The following GRID1 variants were observed in gnomAD, a reference collection of about 807,000 sequenced individuals.
The protein encoded by GRID1 is glutamate ionotropic receptor delta type subunit 1, also known as glutamate receptor ionotropic, delta-1.
GRID1 carries 28 observed loss-of-function variants against 98.0 expected under a neutral mutation model. The ratio of observed to expected loss-of-function variants is 0.29; its 90% CI spans 0.21 to 0.39. GRID1 has a LOEUF of 0.39. Ranked by LOEUF, GRID1 falls within the 10% of genes least tolerant of loss-of-function variation. The pLI is 1.00. For synonymous variants in GRID1, 553 were observed against 538.5 expected, an observed-to-expected ratio of 1.03 and a Z score of -0.37; for missense variants, 1,111 against 1,340.5, an observed-to-expected ratio of 0.83 and a Z score of 2.67.
At chr10:85,696,611 C>G (rs1330358953) in intron 12 of GRID1, among the ~76,000 whole-genome samples, 1 of 151,902 alleles carries the variant, frequency 6.6e-6, no homozygotes, top group African/African-American at 2.4e-5. Context: ...TTAAAATTAC[C>G]AAATAACCAA....
intron 5 of GRID1, among the ~76,000 whole-genome samples, chr10:85,877,016 G>C (rs1843340135): frequency 6.6e-6 from 1 of 152,240 alleles, no homozygotes; most frequent in Non-Finnish European, 1.5e-5. Flanking sequence ...TAGCACAGCA[G>C]TCTGAGATCA....
chr10:85,859,173 T>C (rs543990787), intron 6 of GRID1, among the ~76,000 whole-genome samples: 1 of 152,348 alleles, frequency 6.6e-6, no homozygotes, highest in East Asian at 1.9e-4. Flanking sequence ...TCAGCAAACT[T>C]TGAGCTCTTT....
At chr10:85,848,913 A>T (rs1843032392) in intron 8 of GRID1, among the ~76,000 whole-genome samples, 1 of 152,196 alleles carries the variant, frequency 6.6e-6, no homozygotes, top group Non-Finnish European at 1.5e-5. Context: ...ATCCATGAAG[A>T]GACTCAAGTT....
intron 12 of GRID1, among the ~76,000 whole-genome samples, chr10:85,698,486 G>GAT (rs1294070979): frequency 5.9e-5 from 9 of 152,254 alleles, no homozygotes; most frequent in African/African-American, 2.2e-4. Context: ...TTTTCAACCT[G>GAT]ATAGCTCATT....
At chr10:85,619,258 TC>T (rs1442967412) in intron 14 of GRID1, among the ~76,000 whole-genome samples, 24 of 151,984 alleles carry the variant, frequency 1.6e-4, no homozygotes, top group African/African-American at 5.8e-4. Context: ...CCACATCCCT[TC>T]CCTGCCCCAG....
intron 3 of GRID1, among the ~76,000 whole-genome samples, chr10:86,161,307 C>T (rs1234300823): frequency 6.6e-6 from 1 of 152,028 alleles, no homozygotes; most frequent in African/African-American, 2.4e-5. Flanking sequence ...GTTTCTGAAG[C>T]CTGCATAGGG....
At chr10:86,344,995 AT>A (rs999416512) in intron 2 of GRID1, among the ~76,000 whole-genome samples, 1 of 152,098 alleles carries the variant, frequency 6.6e-6, no homozygotes, top group African/African-American at 2.4e-5. Flanking sequence ...ATCCAGATGC[AT>A]TTTTTTGTGG....
At chr10:86,326,435 C>T (rs568607521) in intron 2 of GRID1, among the ~76,000 whole-genome samples, 1 of 152,304 alleles carries the variant, frequency 6.6e-6, no homozygotes, top group South Asian at 2.1e-4. Context: ...ACTTATTTAC[C>T]TAATCAAATG....
chr10:86,297,519 G>A (rs550291401), intron 2 of GRID1, among the ~76,000 whole-genome samples: 25 of 152,206 alleles, frequency 1.6e-4, no homozygotes, highest in Admixed American at 5.9e-4. Flanking sequence ...AACCTAGCAG[G>A]AAATAGAAGG....
chr10:86,342,460 G>T (rs761332606), intron 2 of GRID1, among the ~76,000 whole-genome samples: 4 of 152,218 alleles, frequency 2.6e-5, no homozygotes, highest in Non-Finnish European at 4.4e-5. Context: ...CCCAAGGTCT[G>T]TCAAGCCTCA....
At chr10:85,824,459 G>C (rs546714488) in intron 8 of GRID1, among the ~76,000 whole-genome samples, 9 of 152,296 alleles carry the variant, frequency 5.9e-5, no homozygotes, top group Admixed American at 2.0e-4. Context: ...TGATCTGCCC[G>C]CCTTGGCCTC....
At chr10:85,647,667 T>A (rs2132553014) in intron 12 of GRID1, 1 of 393,002 alleles carries the variant, frequency 2.5e-6, no homozygotes, top group South Asian at 4.3e-5. Context: ...ACTGGAGGGA[T>A]AAAAGGATGA....
chr10:86,246,928 C>G (rs1211541357), intron 2 of GRID1, among the ~76,000 whole-genome samples: 1 of 152,238 alleles, frequency 6.6e-6, no homozygotes, highest in Non-Finnish European at 1.5e-5. Flanking sequence ...TCTGTGGCAT[C>G]CTTGGATCAC....
At chr10:86,278,470 G>A (rs748725005) in intron 2 of GRID1, among the ~76,000 whole-genome samples, 2 of 151,932 alleles carry the variant, frequency 1.3e-5, no homozygotes, top group Non-Finnish European at 2.9e-5. Flanking sequence ...AAAAACAATA[G>A]GAAAATCAAG....
intron 4 of GRID1, among the ~76,000 whole-genome samples, chr10:85,939,636 GT>G (rs1164599719): frequency 6.6e-6 from 1 of 152,100 alleles, no homozygotes; most frequent in Non-Finnish European, 1.5e-5. Flanking sequence ...ACAGTCACTT[GT>G]GATTCCATTG....
At chr10:85,638,840 T>C (rs1843080687) in intron 13 of GRID1, among the ~76,000 whole-genome samples, 1 of 152,188 alleles carries the variant, frequency 6.6e-6, no homozygotes, top group Non-Finnish European at 1.5e-5. Flanking sequence ...ATGCTCAGCA[T>C]CACTAGTCCC....
rs1272799089 is a variant in GRID1, at chr10:85,869,183, A to T, written c.781-3T>A. The T allele has an allele frequency of 6.2e-7, 1 of 1,612,638 alleles. No individual in the cohort carries two copies. Among genetic ancestry groups the T allele is most frequent in the Non-Finnish European group, 8.5e-7 (1 of 1,178,654 alleles). On this transcript the variant is annotated splice_polypyrimidine_tract_variant and splice_region_variant and intron_variant, in intron 5 of 15. Transcript: ENST00000327946. ...AGGATCTCCGGGTCACTGATTTCCT[A>T]GAAAAATAACCAGGCCCATGCTTAC...
chr10:85,979,473 G>A (rs1842516232), intron 4 of GRID1, among the ~76,000 whole-genome samples: 1 of 152,198 alleles, frequency 6.6e-6, no homozygotes, highest in South Asian at 2.1e-4. Flanking sequence ...GTTCCCCTGA[G>A]GACCAGGAAG....
chr10:85,773,566 T>G (rs917540768), intron 8 of GRID1, among the ~76,000 whole-genome samples: 11 of 152,286 alleles, frequency 7.2e-5, no homozygotes, highest in Admixed American at 5.9e-4. Context: ...ATTGTATATC[T>G]AGAAAACCCC....
Sources: allele counts gnomAD v4.1 joint callset (sites outside exome capture counted in the v4.1 genomes callset), GRCh38; gene constraint gnomAD v4.1.1; transcripts MANE v1.5; gene names NCBI Gene and HGNC (gene_info 2026-07-23, HGNC 2026-07-21).